UST: variants seen among roughly 807,000 people sequenced by gnomAD.
UST encodes uronyl 2-sulfotransferase.
Under a neutral mutation model 45.6 loss-of-function variants are expected in UST, and 21 were observed. The observed-to-expected ratio is 0.46, with a 90% CI of 0.33 to 0.66. UST has a LOEUF of 0.66. UST is among the 30% of genes least tolerant of loss of function. UST has a pLI of 0.02. For missense variants in UST, 463 were observed against 512.4 expected, an observed-to-expected ratio of 0.90 and a Z score of 0.93; for synonymous variants, 215 against 200.6, an observed-to-expected ratio of 1.07 and a Z score of -0.61.
chr6:148,829,179 A>T (rs1777634805), intron 1 of UST, among the ~76,000 whole-genome samples: 1 of 152,000 alleles, frequency 6.6e-6, no homozygotes, highest in Admixed American at 6.6e-5. Context: ...GGATGGATGG[A>T]TGGATGGATG....
At chr6:149,029,305 T>C (rs1776099845) in intron 7 of UST, among the ~76,000 whole-genome samples, 1 of 148,080 alleles carries the variant, frequency 6.8e-6, no homozygotes, top group African/African-American at 2.5e-5. Flanking sequence ...AAATTATATA[T>C]AAAGTATATG....
chr6:148,827,431 C>T (rs1199755711), intron 1 of UST, among the ~76,000 whole-genome samples: 4 of 152,054 alleles, frequency 2.6e-5, no homozygotes, highest in Admixed American at 6.5e-5. Flanking sequence ...ACTAGCTGGA[C>T]ATCATAGTGA....
intron 3 of UST, 144 bp downstream of exon 3, chr6:148,941,578 G>T (rs552419514): frequency 1.0e-6 from 1 of 993,778 alleles, no homozygotes; most frequent in South Asian, 1.8e-5. Flanking sequence ...CCAGAGTGTG[G>T]AAGGAAATTT....
At chr6:149,067,494 T>TC (rs1408929305) in intron 7 of UST, among the ~76,000 whole-genome samples, 1 of 152,070 alleles carries the variant, frequency 6.6e-6, no homozygotes, top group Non-Finnish European at 1.5e-5. Context: ...CATGAAAAAG[T>TC]CCCCCTTCCC....
chr6:149,012,025 A>G (rs539027695), intron 5 of UST, among the ~76,000 whole-genome samples: 22 of 152,358 alleles, frequency 1.4e-4, no homozygotes, highest in African/African-American at 4.8e-4. Flanking sequence ...AAAGGACCAG[A>G]AAGCCACTAC....
chr6:148,917,693 G>T (rs756683399), intron 2 of UST, among the ~76,000 whole-genome samples: 2 of 152,214 alleles, frequency 1.3e-5, no homozygotes, highest in Non-Finnish European at 2.9e-5. Flanking sequence ...AGGTGCTGGG[G>T]CTATGTGGGG....
intron 1 of UST, among the ~76,000 whole-genome samples, chr6:148,842,834 G>A (rs1405398435): frequency 6.6e-6 from 1 of 152,138 alleles, no homozygotes; most frequent in Non-Finnish European, 1.5e-5. Context: ...CTAGTCTGTG[G>A]CAATCCTAGT....
intron 2 of UST, among the ~76,000 whole-genome samples, chr6:148,939,943 G>A (rs1212393585): frequency 6.6e-6 from 1 of 152,136 alleles, no homozygotes; most frequent in African/African-American, 2.4e-5. Flanking sequence ...TACAGGATGG[G>A]AGAAAATATT....
At chr6:148,941,557 C>A in intron 3 of UST, 123 bp downstream of exon 3, 3 of 1,196,054 alleles carry the variant, frequency 2.5e-6, no homozygotes, top group Non-Finnish European at 3.4e-6. Flanking sequence ...TGATTTCATG[C>A]TGTATTTTTG....
intron 2 of UST, among the ~76,000 whole-genome samples, chr6:148,899,379 G>A (rs1161869376): frequency 6.6e-6 from 1 of 152,152 alleles, no homozygotes; most frequent in Non-Finnish European, 1.5e-5. Context: ...GATTACAGGC[G>A]TGAGCCACCG....
chr6:148,881,929 A>T (rs937740316), intron 1 of UST, among the ~76,000 whole-genome samples: 1 of 152,222 alleles, frequency 6.6e-6, no homozygotes, highest in African/African-American at 2.4e-5. Flanking sequence ...CTACATATCA[A>T]ATAATAAAAT....
At chr6:148,752,394 GA>G (rs1236970410) in intron 1 of UST, among the ~76,000 whole-genome samples, 1 of 152,138 alleles carries the variant, frequency 6.6e-6, no homozygotes, top group Non-Finnish European at 1.5e-5. Flanking sequence ...TGTTGACATA[GA>G]AAAAATGATA....
intron 5 of UST, among the ~76,000 whole-genome samples, chr6:149,000,894 C>T (rs988276311): frequency 1.3e-5 from 2 of 151,706 alleles, no homozygotes; most frequent in Non-Finnish European, 2.9e-5. Context: ...GAGGAATTCA[C>T]CAAGAATGGA....
At chr6:148,984,230 AAC>A (rs1781195174) in intron 5 of UST, among the ~76,000 whole-genome samples, 1 of 152,222 alleles carries the variant, frequency 6.6e-6, no homozygotes, top group Non-Finnish European at 1.5e-5. Context: ...ACTAATGAAA[AAC>A]ACAGATGTGG....
chr6:148,859,643 T>C, intron 1 of UST, among the ~76,000 whole-genome samples: 1 of 152,262 alleles, frequency 6.6e-6, no homozygotes, highest in Non-Finnish European at 1.5e-5. Context: ...CATTTAAGTC[T>C]TTAATCCATC....
chr6:148,935,051 C>T (rs141216605), intron 2 of UST, among the ~76,000 whole-genome samples: 131 of 152,254 alleles, frequency 8.6e-4, no homozygotes, highest in African/African-American at 2.8e-3. Flanking sequence ...ACCTAGAAAG[C>T]CTTCCTTCTC....
intron 7 of UST, 21 bp downstream of exon 7, chr6:149,021,502 G>C: frequency 6.2e-7 from 1 of 1,613,448 alleles, no homozygotes; most frequent in South Asian, 1.1e-5. Flanking sequence ...TTGTAAGCAA[G>C]CTCTTCTCCA....
chr6:148,946,813 CAAAAAAAAAAAAAAAAAA>C (rs60990121), intron 3 of UST, among the ~76,000 whole-genome samples: 8 of 56,846 alleles, frequency 1.4e-4, no homozygotes, highest in South Asian at 6.0e-4. Context: ...GACTCCATCC[CAAAAAAAAAAAAAAAAAA>C]AAAAAAAAAA....
intron 1 of UST, among the ~76,000 whole-genome samples, chr6:148,882,523 C>A (rs2114838130): frequency 7.0e-6 from 1 of 141,942 alleles, no homozygotes; most frequent in Non-Finnish European, 1.5e-5. Context: ...TGTCTCATTT[C>A]TGTGATGTGA....
Sources: allele counts gnomAD v4.1 joint callset (sites outside exome capture counted in the v4.1 genomes callset), GRCh38; gene constraint gnomAD v4.1.1; transcripts MANE v1.5; gene names NCBI Gene and HGNC (gene_info 2026-07-23, HGNC 2026-07-21).